Variants in PABPC4L observed in about 807,000 individuals in gnomAD.
PABPC4L encodes poly(A) binding protein cytoplasmic 4 like.
For missense variants in PABPC4L, 452 were observed against 451.4 expected (o/e 1.00, Z -0.01); for synonymous variants, 169 against 164.1 (o/e 1.03, Z -0.23).
the PABPC4L span, among the ~76,000 whole-genome samples, chr4:134,092,446 ATTCACCATCC>A: frequency 6.6e-6 from 1 of 151,912 alleles, no homozygotes; most frequent in African/African-American, 2.4e-5. Flanking sequence ...AAACCTCTTC[ATTCACCATCC>A]TTCAAATTCC....
the PABPC4L span, among the ~76,000 whole-genome samples, chr4:134,018,736 A>G: frequency 6.6e-6 from 1 of 152,140 alleles, no homozygotes. Context: ...ATCATATACA[A>G]CAATTTTCTA....
the PABPC4L span, among the ~76,000 whole-genome samples, chr4:134,112,850 G>A: frequency 2.0e-5 from 3 of 151,760 alleles, no homozygotes; most frequent in Non-Finnish European, 2.9e-5. Flanking sequence ...TTTAGGAGAT[G>A]TTCCAGAAGA....
At chr4:134,050,706 C>CAAAAAAAAAAAA in the PABPC4L span, among the ~76,000 whole-genome samples, 3,389 of 82,430 alleles carry the variant, frequency 0.041, 151 homozygotes, top group Non-Finnish European at 0.062. Context: ...CACCGTCTCC[C>CAAAAAAAAAAAA]AAAAAAAAAA....
the PABPC4L span, among the ~76,000 whole-genome samples, chr4:134,064,795 T>C: frequency 7.2e-5 from 11 of 152,154 alleles, no homozygotes; most frequent in South Asian, 1.5e-3. Context: ...GCTTCCTTCT[T>C]TGTGTCCGTA....
At chr4:134,173,730 G>T in the PABPC4L span, among the ~76,000 whole-genome samples, 2 of 152,040 alleles carry the variant, frequency 1.3e-5, no homozygotes, top group Non-Finnish European at 2.9e-5. Context: ...GTAACACAAA[G>T]AAATGATAAG....
the PABPC4L span, among the ~76,000 whole-genome samples, chr4:134,065,616 G>C: frequency 6.6e-6 from 1 of 151,942 alleles, no homozygotes; most frequent in Non-Finnish European, 1.5e-5. Context: ...AAGCTCTTTA[G>C]TTTAATGATT....
the PABPC4L span, among the ~76,000 whole-genome samples, chr4:134,112,618 ATATC>A: frequency 1.0e-4 from 14 of 137,310 alleles, no homozygotes; most frequent in East Asian, 1.7e-3. Flanking sequence ...ATCTATCTAT[ATATC>A]TATCTATATA....
the PABPC4L span, among the ~76,000 whole-genome samples, chr4:134,024,508 T>C: frequency 6.6e-6 from 1 of 152,098 alleles, no homozygotes; most frequent in East Asian, 1.9e-4. Flanking sequence ...TGTTCATGGG[T>C]GAAGAGGGAG....
At chr4:134,115,102 C>T in the PABPC4L span, among the ~76,000 whole-genome samples, 2 of 151,832 alleles carry the variant, frequency 1.3e-5, no homozygotes, top group Non-Finnish European at 2.9e-5. Flanking sequence ...TTTGTATTTA[C>T]TCAGCTCCTC....
At chr4:134,062,487 A>G in the PABPC4L span, among the ~76,000 whole-genome samples, 28,966 of 151,948 alleles carry the variant, frequency 0.19, 3,346 homozygotes, top group Admixed American at 0.25. Context: ...GTTAATATGG[A>G]GCATTGTGCT....
the PABPC4L span, among the ~76,000 whole-genome samples, chr4:134,013,525 G>A: frequency 7.9e-5 from 12 of 151,894 alleles, no homozygotes; most frequent in African/African-American, 2.2e-4. Context: ...ATTTTCTTCT[G>A]CGATGCCACT....
At chr4:134,071,173 G>A in the PABPC4L span, among the ~76,000 whole-genome samples, 1 of 152,124 alleles carries the variant, frequency 6.6e-6, no homozygotes, top group Non-Finnish European at 1.5e-5. Context: ...TCAGCTCATG[G>A]CTTCCTGAGG....
chr4:133,969,825 T>A, the PABPC4L span, among the ~76,000 whole-genome samples: 2 of 152,078 alleles, frequency 1.3e-5, no homozygotes, highest in African/African-American at 2.4e-5. Context: ...AACGCTTATC[T>A]TGACTATCAT....
chr4:133,997,934 T>TTA, the PABPC4L span, among the ~76,000 whole-genome samples: 1 of 152,042 alleles, frequency 6.6e-6, no homozygotes, highest in African/African-American at 2.4e-5. Flanking sequence ...ATTTTATTGT[T>TTA]TATATATATC....
At chr4:133,974,712 T>C in the PABPC4L span, among the ~76,000 whole-genome samples, 3 of 152,232 alleles carry the variant, frequency 2.0e-5, no homozygotes, top group Non-Finnish European at 4.4e-5. Flanking sequence ...GGTCAAGTAA[T>C]TTTAACATAC....
At chr4:134,167,180 G>C in the PABPC4L span, among the ~76,000 whole-genome samples, 2 of 152,072 alleles carry the variant, frequency 1.3e-5, no homozygotes, top group African/African-American at 4.8e-5. Flanking sequence ...ACAACACCAA[G>C]AGTGAACCCT....
the PABPC4L span, among the ~76,000 whole-genome samples, chr4:134,082,566 T>C: frequency 6.6e-6 from 1 of 152,110 alleles, no homozygotes; most frequent in Non-Finnish European, 1.5e-5. Flanking sequence ...TTTTTATAAT[T>C]GAAAAAAGTT....
At chr4:134,167,567 A>C in the PABPC4L span, among the ~76,000 whole-genome samples, 1 of 152,066 alleles carries the variant, frequency 6.6e-6, no homozygotes, top group Admixed American at 6.6e-5. Flanking sequence ...GACACATAAT[A>C]GAGTTACAAT....
At chr4:134,127,655 C>T in the PABPC4L span, among the ~76,000 whole-genome samples, 257 of 152,164 alleles carry the variant, frequency 1.7e-3, 1 homozygote, top group Non-Finnish European at 3.2e-3. Flanking sequence ...GAACAGCAGT[C>T]CTTGAGTCCC....
Sources: allele counts gnomAD v4.1 joint callset (sites outside exome capture counted in the v4.1 genomes callset), GRCh38; gene constraint gnomAD v4.1.1; transcripts MANE v1.5; gene names NCBI Gene and HGNC (gene_info 2026-07-23, HGNC 2026-07-21).